Variants in TTC28 observed in about 807,000 individuals in gnomAD.
The protein encoded by TTC28 is tetratricopeptide repeat protein 28.
In TTC28, 61 loss-of-function variants were observed where a neutral mutation model predicts 198.0. The ratio of observed to expected loss-of-function variants is 0.31; its 90% CI spans 0.25 to 0.38. TTC28 has a LOEUF of 0.38. TTC28 is among the 10% of genes least tolerant of loss of function. The pLI is 1.00. For missense variants in TTC28, 2,678 were observed against 3,164.0 expected (o/e 0.85, Z 3.69); for synonymous variants, 1,171 against 1,297.8 (o/e 0.90, Z 2.10).
chr22:28,384,945 C>A lies in TTC28; in HGVS notation c.382-78302G>T, dbSNP rs572912604. 4.0e-5 allele frequency among the ~76,000 whole-genome samples: 6 copies of A among 151,854 alleles called. No individual in the cohort carries two copies. In the East Asian group the frequency reaches 1.2e-3, roughly 30 times the overall value. ...ATCATCTGAGGTCAGGAGTTTGAGA[C>A]CAACCTGGCCAACATGGTGAAACCC... On this transcript the variant is annotated intron_variant, in intron 2 of 22. Transcript: ENST00000397906.
At chr22:28,190,523 G>C (rs1326322304) in intron 5 of TTC28, among the ~76,000 whole-genome samples, 1 of 152,180 alleles carries the variant, frequency 6.6e-6, no homozygotes, top group Non-Finnish European at 1.5e-5. Flanking sequence ...TCTGAGGTAT[G>C]TTAGTGTAGC....
chr22:28,058,251 G>A (rs189128344), intron 12 of TTC28, among the ~76,000 whole-genome samples: 14 of 152,120 alleles, frequency 9.2e-5, no homozygotes, highest in African/African-American at 1.9e-4. Flanking sequence ...GTTTATTTAC[G>A]AAACAGTAGC....
intron 5 of TTC28, among the ~76,000 whole-genome samples, chr22:28,286,003 A>ATT (rs72424697): frequency 1.4e-5 from 2 of 145,626 alleles, no homozygotes; most frequent in African/African-American, 2.5e-5. Context: ...AAGATTATTA[A>ATT]TTTTTTTTTT....
chr22:28,247,927 T>C (rs1420746246), intron 5 of TTC28, among the ~76,000 whole-genome samples: 1 of 152,306 alleles, frequency 6.6e-6, no homozygotes, highest in African/African-American at 2.4e-5. Context: ...ATGGTCAGAT[T>C]TGCATTTTTA....
chr22:28,491,810 C>T (rs956819213), intron 2 of TTC28, among the ~76,000 whole-genome samples: 4 of 152,118 alleles, frequency 2.6e-5, no homozygotes, highest in African/African-American at 7.2e-5. Context: ...CACATGCACA[C>T]ATATGTTTAT....
At chr22:28,330,527 T>C (rs1346357604) in intron 2 of TTC28, among the ~76,000 whole-genome samples, 1 of 152,206 alleles carries the variant, frequency 6.6e-6, no homozygotes, top group Non-Finnish European at 1.5e-5. Flanking sequence ...ATTGCTAACA[T>C]TGTTCCCTTT....
intron 2 of TTC28, among the ~76,000 whole-genome samples, chr22:28,529,183 T>C (rs2049075511): frequency 6.6e-6 from 1 of 152,200 alleles, no homozygotes. Flanking sequence ...TGACAGACCG[T>C]ACCTGGAAAA....
At chr22:28,243,677 C>T (rs1929862507) in intron 5 of TTC28, among the ~76,000 whole-genome samples, 1 of 152,040 alleles carries the variant, frequency 6.6e-6, no homozygotes, top group Non-Finnish European at 1.5e-5. Flanking sequence ...CTACTGTAAG[C>T]CTCACTGCTT....
intron 2 of TTC28, among the ~76,000 whole-genome samples, chr22:28,617,215 A>G (rs1392082440): frequency 2.0e-5 from 3 of 152,034 alleles, no homozygotes; most frequent in African/African-American, 7.3e-5. Context: ...AAAAAGGGAT[A>G]TGAGACAGGT....
At chr22:28,387,444 G>T (rs1303215100) in intron 2 of TTC28, among the ~76,000 whole-genome samples, 1 of 152,304 alleles carries the variant, frequency 6.6e-6, no homozygotes, top group South Asian at 2.1e-4. Flanking sequence ...GGTTGAACTA[G>T]TTTACAGTCC....
chr22:28,349,893 C>T (rs1375295944), intron 2 of TTC28, among the ~76,000 whole-genome samples: 1 of 152,178 alleles, frequency 6.6e-6, no homozygotes, highest in Non-Finnish European at 1.5e-5. Flanking sequence ...CAGTGCACTC[C>T]TTGTAACCCC....
intron 1 of TTC28, among the ~76,000 whole-genome samples, chr22:28,639,543 T>C (rs1438163613): frequency 2.0e-5 from 3 of 152,168 alleles, no homozygotes; most frequent in Non-Finnish European, 4.4e-5. Flanking sequence ...AGGGATTCCA[T>C]GGAAGGTAAC....
At chr22:28,247,351 A>C (rs1206766971) in intron 5 of TTC28, among the ~76,000 whole-genome samples, 1 of 152,208 alleles carries the variant, frequency 6.6e-6, no homozygotes, top group Non-Finnish European at 1.5e-5. Flanking sequence ...AAGGAATATA[A>C]TGAGAATCAT....
chr22:28,297,470 G>T (rs2044923035), intron 4 of TTC28, 110 bp downstream of exon 4: 1 of 1,301,598 alleles, frequency 7.7e-7, no homozygotes, highest in Non-Finnish European at 1.0e-6. Flanking sequence ...GGGATTACAG[G>T]TGTGAGCAAC....
chr22:27,991,829 A>G (rs1937420895), intron 19 of TTC28, among the ~76,000 whole-genome samples: 1 of 152,206 alleles, frequency 6.6e-6, no homozygotes, highest in South Asian at 2.1e-4. Context: ...GATGCTAAGA[A>G]CTGGAACCCG....
At chr22:28,497,080 C>T (rs990785469) in intron 2 of TTC28, among the ~76,000 whole-genome samples, 1 of 152,134 alleles carries the variant, frequency 6.6e-6, no homozygotes, top group Non-Finnish European at 1.5e-5. Context: ...GTAATCCCTC[C>T]CCACTTCCAA....
chr22:28,203,126 A>G (rs143898364), intron 5 of TTC28, among the ~76,000 whole-genome samples: 1 of 152,180 alleles, frequency 6.6e-6, no homozygotes, highest in East Asian at 1.9e-4. Context: ...CGCATATTAA[A>G]TTTTTTTAGT....
intron 12 of TTC28, among the ~76,000 whole-genome samples, chr22:28,088,600 T>C (rs1941706770): frequency 1.3e-5 from 2 of 152,174 alleles, no homozygotes; most frequent in Admixed American, 6.5e-5. Context: ...GACATAGGCA[T>C]GGGCAAGGAC....
intron 2 of TTC28, among the ~76,000 whole-genome samples, chr22:28,458,162 A>G (rs917724512): frequency 1.4e-4 from 21 of 152,294 alleles, no homozygotes; most frequent in Admixed American, 1.0e-3. Context: ...TTAATTTGAT[A>G]TGAAAATCTG....
Sources: allele counts gnomAD v4.1 joint callset (sites outside exome capture counted in the v4.1 genomes callset), GRCh38; gene constraint gnomAD v4.1.1; transcripts MANE v1.5; gene names NCBI Gene and HGNC (gene_info 2026-07-23, HGNC 2026-07-21).